Variants in AUTS2 observed in about 807,000 individuals in gnomAD.
The protein encoded by AUTS2 is autism susceptibility gene 2 protein.
AUTS2 carries 17 observed loss-of-function variants against 112.4 expected under a neutral mutation model. That is an observed-to-expected ratio of 0.15 (90% CI 0.10 to 0.23). AUTS2 has a LOEUF of 0.23. Among genes scored for constraint, AUTS2 ranks in the 10% least tolerant of loss-of-function variants. The pLI is 1.00. For synonymous variants in AUTS2, 751 were observed against 702.7 expected (o/e 1.07, Z -1.09); for missense variants, 1,510 against 1,701.6 (o/e 0.89, Z 1.98).
intron 5 of AUTS2, among the ~76,000 whole-genome samples, chr7:70,483,384 C>T (rs967380989): frequency 1.7e-4 from 26 of 152,210 alleles, no homozygotes; most frequent in African/African-American, 6.0e-4. Flanking sequence ...TCATGTTCCT[C>T]GGCTTCCCTC....
chr7:69,953,744 A>G (rs866809403), intron 2 of AUTS2, among the ~76,000 whole-genome samples: 8 of 152,050 alleles, frequency 5.3e-5, no homozygotes, highest in Non-Finnish European at 4.4e-5. Context: ...CTTGTTCTCT[A>G]TTTTTTCATA....
At chr7:69,923,457 C>T (rs1357153106) in intron 2 of AUTS2, among the ~76,000 whole-genome samples, 4 of 152,114 alleles carry the variant, frequency 2.6e-5, no homozygotes, top group Non-Finnish European at 4.4e-5. Context: ...TTTTCACTAG[C>T]GTATGACTTT....
rs1349752701 is a variant in AUTS2 at position 70,435,843 on chromosome 7, CCA to C, written c.690+69_690+70del. 7 of 1,550,858 alleles carry C rather than the reference CCA, an allele frequency of 4.5e-6. No homozygotes were observed. In the Admixed American group the frequency reaches 1.2e-4, roughly 26 times the overall value. On this transcript the variant is annotated intron_variant, in intron 5 of 18. Coordinates refer to ENST00000342771, the MANE Select transcript of AUTS2 (RefSeq NM_015570.4). ...TAACACACTGAACACCAGAGTCCTC[CCA>C]CACACAGCTGCAGGGTAGGATGCCA... is the stretch of plus-strand genomic sequence containing the variant.
intron 6 of AUTS2, among the ~76,000 whole-genome samples, chr7:70,714,728 T>C (rs12698917): frequency 0.098 from 14,856 of 152,268 alleles, 986 homozygotes; most frequent in South Asian, 0.19. Flanking sequence ...AGCTTGTTCC[T>C]CTGTCCCTCG....
intron 5 of AUTS2, among the ~76,000 whole-genome samples, chr7:70,668,733 C>T (rs1265344169): frequency 6.6e-6 from 1 of 152,196 alleles, no homozygotes; most frequent in East Asian, 1.9e-4. Flanking sequence ...GGCCACAAGG[C>T]CAGTCTGGGT....
chr7:70,632,740 T>C (rs1805328640), intron 5 of AUTS2, among the ~76,000 whole-genome samples: 1 of 152,122 alleles, frequency 6.6e-6, no homozygotes, highest in African/African-American at 2.4e-5. Flanking sequence ...AGCATGGTTT[T>C]CCTTTTTTGG....
intron 1 of AUTS2, among the ~76,000 whole-genome samples, chr7:69,659,589 T>TTG (rs1444269316): frequency 6.9e-6 from 1 of 144,076 alleles, no homozygotes; most frequent in Non-Finnish European, 1.5e-5. Context: ...AGTTGTTTTT[T>TTG]TTTTTTTTTT....
Position 70,369,906 on chromosome 7 carries a change from G to A in AUTS2, c.661-65846G>A, listed in dbSNP as rs1333377830. Among the ~76,000 whole-genome samples, 4 of 152,136 alleles carry A rather than the reference G, an allele frequency of 2.6e-5. No homozygotes were observed. In the East Asian group the frequency reaches 7.7e-4, roughly 29 times the overall value. ...TGCTTGCCCATCCCCATTTTGAAGA[G>A]ACTACCAGATATGCAAAGGGTACTA... is the stretch of plus-strand genomic sequence containing the variant. On this transcript the variant is annotated intron_variant, in intron 4 of 18. Transcript: ENST00000342771.
chr7:70,546,321 G>A (rs1379477310), intron 5 of AUTS2, among the ~76,000 whole-genome samples: 1 of 152,126 alleles, frequency 6.6e-6, no homozygotes, highest in East Asian at 1.9e-4. Flanking sequence ...GCTCACGCCT[G>A]TAATCCCAGC....
chr7:69,833,149 G>T (rs1791573421), intron 1 of AUTS2, among the ~76,000 whole-genome samples: 1 of 152,130 alleles, frequency 6.6e-6, no homozygotes. Context: ...GGTATGGTAG[G>T]TCTGGAAAAG....
intron 5 of AUTS2, among the ~76,000 whole-genome samples, chr7:70,661,756 T>A (rs1383603591): frequency 6.6e-6 from 1 of 151,518 alleles, no homozygotes; most frequent in East Asian, 1.9e-4. Flanking sequence ...AACAAATGAG[T>A]CTGGGGAGGT....
intron 6 of AUTS2, among the ~76,000 whole-genome samples, chr7:70,761,594 G>A (rs749186612): frequency 9.9e-5 from 15 of 152,188 alleles, no homozygotes; most frequent in Non-Finnish European, 1.9e-4. Flanking sequence ...CCCAAATGGG[G>A]CCATTCTTTT....
At chr7:69,623,866 C>T (rs1793802440) in intron 1 of AUTS2, among the ~76,000 whole-genome samples, 1 of 152,058 alleles carries the variant, frequency 6.6e-6, no homozygotes. Flanking sequence ...ATTGCCCCCT[C>T]CCCACAAAAA....
intron 5 of AUTS2, among the ~76,000 whole-genome samples, chr7:70,634,731 A>G (rs1239777135): frequency 3.9e-5 from 6 of 152,196 alleles, no homozygotes; most frequent in Non-Finnish European, 8.8e-5. Flanking sequence ...ACCTCAGCCA[A>G]CCACTTGGCT....
chr7:70,540,727 T>C (rs1417946332), intron 5 of AUTS2, among the ~76,000 whole-genome samples: 1 of 152,206 alleles, frequency 6.6e-6, no homozygotes, highest in Non-Finnish European at 1.5e-5. Flanking sequence ...ACTCCACCTC[T>C]TCCTGCAAAA....
chr7:70,725,447 G>T (rs971906457), intron 6 of AUTS2, among the ~76,000 whole-genome samples: 2 of 152,210 alleles, frequency 1.3e-5, no homozygotes, highest in African/African-American at 4.8e-5. Flanking sequence ...TATGTTGTAA[G>T]AATGAATGAA....
intron 2 of AUTS2, among the ~76,000 whole-genome samples, chr7:70,033,166 T>G (rs1355559458): frequency 6.6e-6 from 1 of 152,180 alleles, no homozygotes; most frequent in Admixed American, 6.5e-5. Flanking sequence ...GTTGTGTATT[T>G]TAAATGGTTG....
In AUTS2 at chr7:70,362,486, G is replaced by A. The variant is rs553012873; in HGVS notation, c.661-73266G>A. Reference sequence around the variant, plus strand: ...TCTGGTTTTCAAATGTTTCTTCCCCGGGAAAGTGAAACATTCCTTGCAGTC... The same window carrying A: ...TCTGGTTTTCAAATGTTTCTTCCCCAGGAAAGTGAAACATTCCTTGCAGTC... On this transcript the variant is annotated intron_variant, in intron 4 of 18. Transcript: ENST00000342771. Among the ~76,000 whole-genome samples the A allele has an allele frequency of 1.4e-4, 22 of 152,136 alleles. No individual in the cohort carries two copies. The South Asian group carries it at 3.9e-3, about 27-fold the overall frequency.
chr7:70,470,297 G>C (rs1467892711), intron 5 of AUTS2, among the ~76,000 whole-genome samples: 37 of 152,176 alleles, frequency 2.4e-4, no homozygotes, highest in Admixed American at 2.4e-3. Flanking sequence ...ACAGAGAAAG[G>C]AGCATCAGTG....
Sources: allele counts gnomAD v4.1 joint callset (sites outside exome capture counted in the v4.1 genomes callset), GRCh38; gene constraint gnomAD v4.1.1; transcripts MANE v1.5; gene names NCBI Gene and HGNC (gene_info 2026-07-23, HGNC 2026-07-21).